NCAPD3: variants seen among roughly 807,000 people sequenced by gnomAD.
NCAPD3 encodes non-SMC condensin II complex subunit D3, also known as condensin-2 complex subunit D3.
Under a neutral mutation model 182.9 loss-of-function variants are expected in NCAPD3, and 105 were observed. That is an observed-to-expected ratio of 0.57 (90% CI 0.49 to 0.68). The LOEUF is 0.68. Among genes scored for constraint, NCAPD3 ranks in the 30% least tolerant of loss-of-function variants. The probability of loss-of-function intolerance (pLI) is 0.00; values close to 1 mark genes in which losing one functional copy is unlikely to be tolerated. For missense variants in NCAPD3, 1,944 were observed against 1,837.0 expected (o/e 1.06, Z -1.07); for synonymous variants, 815 against 679.9 (o/e 1.20, Z -3.09).
chr11:134,195,543 C>T (rs1326561992), intron 13 of NCAPD3, among the ~76,000 whole-genome samples: 1 of 152,106 alleles, frequency 6.6e-6, no homozygotes. Flanking sequence ...ACTGTTAGTA[C>T]TTTTTCATAA....
intron 27 of NCAPD3, among the ~76,000 whole-genome samples, chr11:134,163,896 A>G (rs938038346): frequency 1.3e-4 from 20 of 149,542 alleles, no homozygotes; most frequent in Admixed American, 2.0e-4. Flanking sequence ...AAAAAAAGAA[A>G]AAGAAAGAAA....
chr11:134,203,537 G>A lies in NCAPD3; in HGVS notation c.1468+117C>T, dbSNP rs1250335492. 6 of 1,348,012 alleles carry A rather than the reference G, an allele frequency of 4.5e-6. No individual in the cohort carries two copies. The East Asian group carries it at 1.4e-4, about 31-fold the overall frequency. 83.5% of individuals were successfully genotyped at this position (1,348,012 alleles called of 1,614,324 possible). On this transcript the variant is annotated intron_variant, in intron 11 of 34. Transcript: ENST00000534548. The stretch of plus-strand genomic sequence containing the variant: ...AAATATACTAAAAATGGTTTTGAGA[G>A]TAAAAATAGATCATGCCATACCTAT...
intron 32 of NCAPD3, 89 bp from the exon 33 acceptor site, chr11:134,153,452 TC>T: frequency 7.5e-7 from 1 of 1,340,892 alleles, no homozygotes; most frequent in Non-Finnish European, 1.1e-6. Context: ...AGGCAGGGTG[TC>T]CACATCAGTG....
intron 27 of NCAPD3, among the ~76,000 whole-genome samples, chr11:134,165,791 T>C (rs1364140881): frequency 1.7e-5 from 2 of 115,804 alleles, no homozygotes; most frequent in Non-Finnish European, 3.4e-5. Flanking sequence ...GAGAGGAGCT[T>C]AGGGGAGATG....
intron 13 of NCAPD3, among the ~76,000 whole-genome samples, chr11:134,201,926 A>G (rs1014196798): frequency 2.0e-5 from 3 of 152,232 alleles, no homozygotes; most frequent in African/African-American, 2.4e-5. Context: ...AGGCTGAATA[A>G]TAAAAGCAGT....
chr11:134,213,628 T>TG (rs1303089747), intron 3 of NCAPD3, among the ~76,000 whole-genome samples: 27 of 133,324 alleles, frequency 2.0e-4, no homozygotes, highest in Non-Finnish European at 3.4e-4. Flanking sequence ...TCGTCTCTCT[T>TG]AAAAAAAAAA....
intron 27 of NCAPD3, 47 bp downstream of exon 27, chr11:134,167,949 G>C: frequency 1.3e-6 from 2 of 1,563,376 alleles, no homozygotes; most frequent in Non-Finnish European, 1.8e-6. Flanking sequence ...TAGGGGAGCA[G>C]CACACTCACT....
chr11:134,158,254 T>C lies in NCAPD3; in HGVS notation c.4034+75A>G. The C allele has an allele frequency of 5.7e-6, 9 of 1,576,746 alleles. 1 individual carries two copies. The South Asian group carries it at 9.0e-5, about 16-fold the overall frequency. Reference sequence around the variant, plus strand: ...TGACAATGACTTTCCTGCCCACGCTTGGGAATGGCAGGGACGCCTCTGAGA... The same window carrying C: ...TGACAATGACTTTCCTGCCCACGCTCGGGAATGGCAGGGACGCCTCTGAGA... On this transcript the variant is annotated intron_variant, in intron 30 of 34. Coordinates refer to ENST00000534548, the MANE Select transcript of NCAPD3 (RefSeq NM_015261.3).
At chr11:134,167,392 G>GA (rs2120672258) in intron 27 of NCAPD3, among the ~76,000 whole-genome samples, 2 of 109,082 alleles carry the variant, frequency 1.8e-5, no homozygotes, top group Non-Finnish European at 3.7e-5. Context: ...GGAGCTTAGG[G>GA]GAGCTGCACA....
intron 3 of NCAPD3, among the ~76,000 whole-genome samples, chr11:134,212,607 G>C (rs903856341): frequency 6.6e-6 from 1 of 152,116 alleles, no homozygotes. Flanking sequence ...GGCCAGGCTG[G>C]TCTAGAACTC....
At chr11:134,162,621 A>T (rs574807367) in intron 27 of NCAPD3, among the ~76,000 whole-genome samples, 1 of 152,240 alleles carries the variant, frequency 6.6e-6, no homozygotes, top group Non-Finnish European at 1.5e-5. Context: ...ATTTCTAAAA[A>T]GTCTTATCAG....
chr11:134,156,938 T>G, intron 32 of NCAPD3, 80 bp downstream of exon 32: 1 of 1,294,596 alleles, frequency 7.7e-7, no homozygotes, highest in Non-Finnish European at 1.1e-6. Flanking sequence ...CCGGAAGGAG[T>G]TTTACTGCGA....
At chr11:134,156,688 G>A (rs1018111888) in intron 32 of NCAPD3, among the ~76,000 whole-genome samples, 2 of 149,980 alleles carry the variant, frequency 1.3e-5, no homozygotes, top group Non-Finnish European at 2.9e-5. Flanking sequence ...CAGTGCACCC[G>A]GACAGCCCAG....
At position 134,223,944 on chromosome 11, in the gene NCAPD3, TCGC is replaced by T; in HGVS notation, c.-21_-19del. On this transcript the variant is annotated 5_prime_UTR_variant, in exon 1 of 35. Coordinates refer to ENST00000534548, the MANE Select transcript of NCAPD3 (RefSeq NM_015261.3). The stretch of plus-strand genomic sequence containing the variant: ...GCCACCATGATCCCAGGGCACCGGC[TCGC>T]CGCCGCCGTGCTCAACTTTCAAAGC... 1 of 1,609,988 alleles carries T rather than the reference TCGC, an allele frequency of 6.2e-7. No homozygotes were observed. The highest frequency in any genetic ancestry group is 8.5e-7 in the Non-Finnish European group (1 of 1,179,062).
intron 28 of NCAPD3, among the ~76,000 whole-genome samples, 167 bp from the exon 29 acceptor site, chr11:134,160,241 G>T (rs1162615085): frequency 6.6e-6 from 1 of 152,112 alleles, no homozygotes; most frequent in African/African-American, 2.4e-5. Context: ...AAGTCATGTT[G>T]CTTGATAAAT....
Position 134,168,007 on chromosome 11 carries a change from G to C in NCAPD3, c.3562C>G (p.Leu1188Val). The C allele has an allele frequency of 6.2e-7, 1 of 1,613,848 alleles. No homozygotes were observed. Among genetic ancestry groups the C allele is most frequent in the South Asian group, 1.1e-5 (1 of 91,082 alleles). ...NVVMQEAQKK[L>V]ISQVQKRNFI... is the part of the protein sequence containing the mutation. ...AGCAACACACTCACTTGTGAGATGA[G>C]CTTCTTCTGAGCTTCCTGCATGACT... Residue 1188 changes from leucine to valine, a missense_variant, in exon 27 of 35, where the codon CTC becomes GTC. By Grantham distance (32) the Leu-to-Val change is conservative. Coordinates refer to ENST00000534548, the MANE Select transcript of NCAPD3 (RefSeq NM_015261.3).
rs1450992362 is a variant in NCAPD3 at position 134,181,200 on chromosome 11, A to T, written c.2452-16T>A. On this transcript the variant is annotated splice_polypyrimidine_tract_variant and intron_variant, in intron 19 of 34. Transcript: ENST00000534548. ...TCAGCAATTCCTACGGCAAGTCAAA[A>T]GTCATCTCTGAAGGGCCCCGCACAT... 6.3e-7 allele frequency: 1 copy of T among 1,589,356 alleles called. No individual in the cohort carries two copies. The highest frequency in any genetic ancestry group is 1.7e-4 in the Middle Eastern group (1 of 6,034).
chr11:134,221,880 A>G (rs1308234857), intron 1 of NCAPD3, among the ~76,000 whole-genome samples: 1 of 152,240 alleles, frequency 6.6e-6, no homozygotes, highest in Non-Finnish European at 1.5e-5. Context: ...GTGGCTATGC[A>G]CAGCATTCCT....
intron 27 of NCAPD3, among the ~76,000 whole-genome samples, 163 bp from the exon 28 acceptor site, chr11:134,162,054 A>G (rs1943598002): frequency 6.6e-6 from 1 of 152,184 alleles, no homozygotes; most frequent in Non-Finnish European, 1.5e-5. Flanking sequence ...TTTCTCTGGG[A>G]GACTTTGTAA....
Sources: allele counts gnomAD v4.1 joint callset (sites outside exome capture counted in the v4.1 genomes callset), GRCh38; gene constraint gnomAD v4.1.1; transcripts MANE v1.5; gene names NCBI Gene and HGNC (gene_info 2026-07-23, HGNC 2026-07-21).